The following SLC15A2 variants were observed in gnomAD, a reference collection of about 807,000 sequenced individuals.
SLC15A2 encodes solute carrier family 15 member 2.
SLC15A2 carries 77 observed loss-of-function variants against 95.5 expected under a neutral mutation model. That is an observed-to-expected ratio of 0.81 (90% confidence interval 0.67 to 0.97). SLC15A2 has a LOEUF of 0.97. Ranked by LOEUF, SLC15A2 falls within the 50% of genes least tolerant of loss-of-function variation. The probability of loss-of-function intolerance (pLI) is 0.00; values close to 1 mark genes in which losing one functional copy is unlikely to be tolerated. For missense variants in SLC15A2, 893 were observed against 874.4 expected (o/e 1.02, Z -0.27); for synonymous variants, 306 against 306.9 (o/e 1.00, Z 0.03).
chr3:121,936,283 G>T (rs1157738649), intron 19 of SLC15A2, among the ~76,000 whole-genome samples: 4 of 152,178 alleles, frequency 2.6e-5, no homozygotes, highest in Non-Finnish European at 5.9e-5. Context: ...TATTAGGTCT[G>T]CTTGGTGCAG....
intron 21 of SLC15A2, 75 bp from the exon 22 acceptor site, chr3:121,940,756 C>T: frequency 6.7e-7 from 1 of 1,482,304 alleles, no homozygotes; most frequent in Non-Finnish European, 9.2e-7. Context: ...AGTCTGCTCC[C>T]CACTCCTCAT....
rs1710176051 is a variant in SLC15A2, at chr3:121,928,978, A to G, written c.1342-4A>G. The G allele has an allele frequency of 1.2e-6, 2 of 1,613,238 alleles. No individual in the cohort carries two copies. The highest frequency in any genetic ancestry group is 1.7e-6 in the Non-Finnish European group (2 of 1,179,674). ...ACCTTCATTTTATATTCTTCATTTT[A>G]CAGAAAACACCACACTATTCCAAAC... On this transcript the variant is annotated splice_polypyrimidine_tract_variant and splice_region_variant and intron_variant, in intron 15 of 21. Coordinates refer to ENST00000489711, the MANE Select transcript of SLC15A2 (RefSeq NM_021082.4).
At chr3:121,934,182 G>C (rs941469030) in intron 19 of SLC15A2, among the ~76,000 whole-genome samples, 11 of 152,310 alleles carry the variant, frequency 7.2e-5, no homozygotes, top group African/African-American at 1.2e-4. Context: ...AGTATAGTTT[G>C]AAGTCAGGTA....
chr3:121,895,897 C>A (rs548395185), intron 1 of SLC15A2, among the ~76,000 whole-genome samples: 8 of 152,306 alleles, frequency 5.3e-5, no homozygotes, highest in African/African-American at 1.9e-4. Context: ...GGGCTCTGTG[C>A]CTGACTCCAG....
chr3:121,927,921 C>A, intron 14 of SLC15A2, 82 bp downstream of exon 14: 2 of 1,005,438 alleles, frequency 2.0e-6, no homozygotes, highest in Non-Finnish European at 3.1e-6. Flanking sequence ...AGTCATGATT[C>A]CCTGGGACCT....
chr3:121,941,765 C>T lies in SLC15A2; in HGVS notation c.*758C>T, dbSNP rs1321981957. On this transcript the variant is annotated 3_prime_UTR_variant, in exon 22 of 22. Coordinates refer to ENST00000489711, the MANE Select transcript of SLC15A2 (RefSeq NM_021082.4). ...TGTAAGTTGTAGAAATCCTGAAGAG[C>T]CAGTCATTCTTTTACAGAGTACATT... The T allele has an allele frequency of 6.6e-6, 1 of 152,184 alleles. No homozygotes were observed. Among genetic ancestry groups the T allele is most frequent in the Non-Finnish European group, 1.5e-5 (1 of 68,034 alleles). The allele number at this position is 152,184 out of a possible 1,614,324, so 9.4% of individuals were successfully genotyped here. A position where few individuals can be genotyped will look rare whatever the true frequency, so the allele number is the denominator to read the frequency against.
chr3:121,921,493 ATAG>A (rs1188882040), intron 7 of SLC15A2, among the ~76,000 whole-genome samples: 2 of 152,020 alleles, frequency 1.3e-5, no homozygotes, highest in Non-Finnish European at 2.9e-5. Flanking sequence ...TAAAATAGAG[ATAG>A]TGGTACATAT....
intron 3 of SLC15A2, among the ~76,000 whole-genome samples, chr3:121,906,451 C>T (rs564834287): frequency 9.2e-5 from 14 of 152,284 alleles, no homozygotes; most frequent in African/African-American, 3.4e-4. Context: ...TTCTTTCTAG[C>T]ATTGATGGTC....
At chr3:121,927,624 T>C in intron 13 of SLC15A2, 134 bp from the exon 14 acceptor site, 2 of 618,220 alleles carry the variant, frequency 3.2e-6, no homozygotes, top group Non-Finnish European at 5.7e-6. Flanking sequence ...CTTTATAAAT[T>C]ACCCAGTCTC....
intron 21 of SLC15A2, among the ~76,000 whole-genome samples, 169 bp downstream of exon 21, chr3:121,940,657 A>G (rs1710443244): frequency 6.6e-6 from 1 of 152,210 alleles, no homozygotes; most frequent in Non-Finnish European, 1.5e-5. Context: ...GTAAGTGGCA[A>G]TAATGACTAC....
At chr3:121,934,163 T>A (rs1203999490) in intron 19 of SLC15A2, among the ~76,000 whole-genome samples, 1 of 152,256 alleles carries the variant, frequency 6.6e-6, no homozygotes, top group African/African-American at 2.4e-5. Context: ...TTGATTACTG[T>A]AGCCTTGTAG....
intron 17 of SLC15A2, among the ~76,000 whole-genome samples, chr3:121,930,029 T>C (rs1392036806): frequency 6.6e-6 from 1 of 152,222 alleles, no homozygotes; most frequent in Non-Finnish European, 1.5e-5. Context: ...AATAACTTGC[T>C]TTTGAATATG....
At chr3:121,914,109 G>C (rs924536221) in intron 5 of SLC15A2, among the ~76,000 whole-genome samples, 1 of 152,092 alleles carries the variant, frequency 6.6e-6, no homozygotes, top group Non-Finnish European at 1.5e-5. Flanking sequence ...CTGTCAAAGA[G>C]TCCATAGATC....
intron 5 of SLC15A2, chr3:121,915,000 A>G: frequency 7.7e-7 from 1 of 1,292,890 alleles, no homozygotes. Context: ...ACCTATGAAA[A>G]GGGAGGAAAA....
intron 3 of SLC15A2, among the ~76,000 whole-genome samples, chr3:121,898,293 C>T (rs1038631721): frequency 1.3e-5 from 2 of 151,968 alleles, no homozygotes; most frequent in African/African-American, 4.8e-5. Context: ...GCTCTTTTAC[C>T]ATCTATTTCT....
At chr3:121,902,266 C>T (rs977801908) in intron 3 of SLC15A2, among the ~76,000 whole-genome samples, 3 of 152,118 alleles carry the variant, frequency 2.0e-5, no homozygotes, top group Admixed American at 6.5e-5. Flanking sequence ...TATCCTATTA[C>T]CCAGGCTCAT....
chr3:121,939,413 C>A lies in SLC15A2; in HGVS notation c.1826C>A (p.Ala609Glu), dbSNP rs1143668. The change falls in exon 20 of 22, where the codon GCG becomes GAG. Residue 609 changes from alanine (A) to glutamate (E), a missense_variant. By Grantham distance (107) the Ala-to-Glu change is moderately radical. Coordinates refer to ENST00000489711, the MANE Select transcript of SLC15A2 (RefSeq NM_021082.4). ...ATTCCAGCCAACAAAATGTCCATTG[C>A]GTGGCAGCTACCACAATATGCCCTG... ...EDIPANKMSIAWQLPQYALVT... is the reference protein window; with the variant it reads ...EDIPANKMSIEWQLPQYALVT... 2 of 1,579,746 alleles carry A rather than the reference C, an allele frequency of 1.3e-6. No individual in the cohort carries two copies. Among genetic ancestry groups the A allele is most frequent in the East Asian group, 2.4e-5 (1 of 41,998 alleles).
chr3:121,904,476 T>C (rs946430984), intron 3 of SLC15A2, among the ~76,000 whole-genome samples: 2 of 152,212 alleles, frequency 1.3e-5, no homozygotes, highest in Non-Finnish European at 2.9e-5. Context: ...AGTATGATAT[T>C]GGCTGTGGGT....
At chr3:121,932,955 C>T (rs1024779746) in intron 19 of SLC15A2, among the ~76,000 whole-genome samples, 5 of 151,924 alleles carry the variant, frequency 3.3e-5, no homozygotes, top group African/African-American at 1.2e-4. Context: ...TGTTCCCCTT[C>T]CTGTGTCCAT....
Sources: allele counts gnomAD v4.1 joint callset (sites outside exome capture counted in the v4.1 genomes callset), GRCh38; gene constraint gnomAD v4.1.1; transcripts MANE v1.5; gene names NCBI Gene and HGNC (gene_info 2026-07-23, HGNC 2026-07-21).